Variants in AXDND1 observed in about 807,000 individuals in gnomAD.
The protein encoded by AXDND1 is axonemal dynein light chain domain-containing protein 1.
Under a neutral mutation model 137.5 loss-of-function variants are expected in AXDND1, and 110 were observed. That is an observed-to-expected ratio of 0.80 (90% CI 0.69 to 0.94). The LOEUF (loss-of-function observed/expected upper bound fraction) is 0.94, where lower values mean the gene tolerates loss of function less well. Among genes scored for constraint, AXDND1 ranks in the 40% least tolerant of loss-of-function variants. The pLI is 0.00. For synonymous variants in AXDND1, 414 were observed against 399.7 expected (o/e 1.04, Z -0.43); for missense variants, 1,191 against 1,169.8 (o/e 1.02, Z -0.26).
Position 179,515,274 on chromosome 1 carries a change from C to T in AXDND1, c.2496+5871C>T, listed in dbSNP as rs146776735. 1.0e-3 allele frequency among the ~76,000 whole-genome samples: 157 copies of T among 152,098 alleles called. 2 individuals carry two copies. The highest frequency in any genetic ancestry group is 6.2e-3 in the East Asian group (32 of 5,178). On this transcript the variant is annotated intron_variant, in intron 21 of 25. Transcript: ENST00000367618. ...CTTGGTAGTGGTGGCTTGGTAGTGG[C>T]GAATTCTCTCAGCATTTGTTTGTCT...
intron 17 of AXDND1, among the ~76,000 whole-genome samples, chr1:179,474,550 C>G (rs1216251894): frequency 6.6e-6 from 1 of 152,148 alleles, no homozygotes; most frequent in African/African-American, 2.4e-5. Flanking sequence ...AAAAGTCACC[C>G]TTGCTATGCT....
chr1:179,550,502 AT>A (rs1673097823), intron 25 of AXDND1: 1 of 152,140 alleles, frequency 6.6e-6, no homozygotes, highest in African/African-American at 2.4e-5. Flanking sequence ...CCTTTTATTT[AT>A]TTCTTTATTT....
chr1:179,410,838 A>G (rs1243011119), intron 11 of AXDND1, among the ~76,000 whole-genome samples: 4 of 152,196 alleles, frequency 2.6e-5, no homozygotes, highest in African/African-American at 9.6e-5. Context: ...ATACCATTGG[A>G]ATATCATGTC....
intron 12 of AXDND1, among the ~76,000 whole-genome samples, chr1:179,414,642 G>A (rs1654418735): frequency 6.6e-6 from 1 of 152,014 alleles, no homozygotes; most frequent in South Asian, 2.1e-4. Flanking sequence ...AGCCAGGATG[G>A]TCTCGATCTC....
At chr1:179,516,827 G>A (rs888388849) in intron 21 of AXDND1, among the ~76,000 whole-genome samples, 3 of 152,188 alleles carry the variant, frequency 2.0e-5, no homozygotes, top group Admixed American at 6.5e-5. Context: ...TCCCTCAGTC[G>A]TGGATACCAG....
intron 16 of AXDND1, among the ~76,000 whole-genome samples, chr1:179,463,613 GT>G: frequency 6.6e-6 from 1 of 152,228 alleles, no homozygotes; most frequent in Non-Finnish European, 1.5e-5. Flanking sequence ...GGGGTGGAGA[GT>G]TCTGTAGATG....
At chr1:179,547,089 C>T (rs1015354664) in intron 25 of AXDND1, among the ~76,000 whole-genome samples, 2 of 152,230 alleles carry the variant, frequency 1.3e-5, no homozygotes, top group Non-Finnish European at 2.9e-5. Flanking sequence ...CTCTAGATCA[C>T]TGTCTGGGTA....
chr1:179,498,898 A>C (rs994185131), intron 20 of AXDND1, among the ~76,000 whole-genome samples: 2 of 139,940 alleles, frequency 1.4e-5, no homozygotes, highest in South Asian at 4.8e-4. Flanking sequence ...CACCAGTCAG[A>C]ATAGCTTATA....
intron 20 of AXDND1, among the ~76,000 whole-genome samples, chr1:179,504,995 C>T (rs1372494446): frequency 6.6e-6 from 1 of 152,118 alleles, no homozygotes; most frequent in African/African-American, 2.4e-5. Flanking sequence ...TACTGAGGTA[C>T]TCTTTAAAAA....
At chr1:179,402,460 C>T (rs866085437) in intron 11 of AXDND1, among the ~76,000 whole-genome samples, 1 of 152,156 alleles carries the variant, frequency 6.6e-6, no homozygotes, top group African/African-American at 2.4e-5. Context: ...CCACCTGCAT[C>T]TGTGCTTATA....
chr1:179,373,029 A>G (rs1668202785), intron 4 of AXDND1, among the ~76,000 whole-genome samples: 2 of 152,294 alleles, frequency 1.3e-5, no homozygotes, highest in African/African-American at 4.8e-5. Context: ...AGTAAATAAA[A>G]CAGGCTTCTT....
intron 11 of AXDND1, among the ~76,000 whole-genome samples, chr1:179,400,092 A>T (rs563763016): frequency 2.0e-5 from 3 of 152,220 alleles, no homozygotes; most frequent in Non-Finnish European, 4.4e-5. Context: ...AGAGGAAAAG[A>T]AGTCATTATA....
rs1178087713 is a variant in AXDND1, at chr1:179,491,656, A to C, written c.2210A>C (p.His737Pro). ...TTGGAGGAGGAAAGTGCTGAGAAACATGATATAGGAGTTGCGCGATTGGAG... is the reference window on the plus strand; with the variant it reads ...TTGGAGGAGGAAAGTGCTGAGAAACCTGATATAGGAGTTGCGCGATTGGAG... ...LKLEEESAEK[H>P]DIGVARLELD... The change falls in exon 19 of 26, where the codon CAT (histidine) becomes CCT (proline). Residue 737 changes from histidine to proline, a missense_variant. By Grantham distance (77) the His-to-Pro change is moderately conservative. Transcript: ENST00000367618. The C allele has an allele frequency of 6.2e-7, 1 of 1,613,478 alleles. No homozygotes were observed.
intron 17 of AXDND1, among the ~76,000 whole-genome samples, chr1:179,475,287 A>G (rs1664472497): frequency 6.6e-6 from 1 of 152,222 alleles, no homozygotes; most frequent in Non-Finnish European, 1.5e-5. Flanking sequence ...AGACCTCAGA[A>G]TAGTAGATGC....
chr1:179,388,286 A>G (rs1649544530), intron 9 of AXDND1, among the ~76,000 whole-genome samples: 1 of 152,164 alleles, frequency 6.6e-6, no homozygotes, highest in South Asian at 2.1e-4. Context: ...TATTTCCTGT[A>G]CCTATATCTA....
intron 4 of AXDND1, among the ~76,000 whole-genome samples, chr1:179,373,491 G>A (rs1180926528): frequency 1.3e-5 from 2 of 152,006 alleles, no homozygotes; most frequent in Admixed American, 6.6e-5. Flanking sequence ...AATTTCATAC[G>A]GAACCAAAAA....
At chr1:179,447,552 A>G (rs886885449) in intron 16 of AXDND1, 8 of 819,344 alleles carry the variant, frequency 9.8e-6, no homozygotes, top group Non-Finnish European at 1.5e-5. Context: ...GCTATGTATA[A>G]AATACATGTT....
At chr1:179,553,697 G>C (rs1205739190) in intron 25 of AXDND1, among the ~76,000 whole-genome samples, 1 of 152,124 alleles carries the variant, frequency 6.6e-6, no homozygotes, top group Admixed American at 6.6e-5. Flanking sequence ...GTACCCCTTA[G>C]TAAATATATT....
intron 17 of AXDND1, among the ~76,000 whole-genome samples, chr1:179,474,527 T>C (rs554893608): frequency 1.3e-5 from 2 of 152,296 alleles, no homozygotes; most frequent in South Asian, 2.1e-4. Flanking sequence ...AGGAACTTAC[T>C]GGGAACTGGA....
Sources: allele counts gnomAD v4.1 joint callset (sites outside exome capture counted in the v4.1 genomes callset), GRCh38; gene constraint gnomAD v4.1.1; transcripts MANE v1.5; gene names NCBI Gene and HGNC (gene_info 2026-07-23, HGNC 2026-07-21).